The following YES1 variants were observed in gnomAD, a reference collection of about 807,000 sequenced individuals.
The protein encoded by YES1 is YES proto-oncogene 1, Src family tyrosine kinase.
In YES1, 39 loss-of-function variants were observed where a neutral mutation model predicts 70.4. That is an observed-to-expected ratio of 0.55 (90% CI 0.43 to 0.72). The LOEUF is 0.72. Among genes scored for constraint, YES1 ranks in the 30% least tolerant of loss-of-function variants. The pLI is 0.00. For missense variants in YES1, 495 were observed against 644.8 expected (o/e 0.77, Z 2.52); for synonymous variants, 198 against 218.6 (o/e 0.91, Z 0.83).
intron 1 of YES1, among the ~76,000 whole-genome samples, chr18:809,985 TACG>T (rs1907290549): frequency 6.6e-6 from 1 of 151,494 alleles, no homozygotes; most frequent in African/African-American, 2.4e-5. Context: ...CTTCTATTTT[TACG>T]TTCACAGAAT....
intron 1 of YES1, among the ~76,000 whole-genome samples, chr18:783,552 G>A (rs1478686997): frequency 6.6e-6 from 1 of 151,804 alleles, no homozygotes; most frequent in East Asian, 1.9e-4. Context: ...AGCTCATAGC[G>A]TATCTGCTTC....
chr18:772,047 A>G (rs1905182498), intron 1 of YES1, among the ~76,000 whole-genome samples: 1 of 150,620 alleles, frequency 6.6e-6, no homozygotes, highest in Non-Finnish European at 1.5e-5. Flanking sequence ...TTTTTTTTTG[A>G]CATGGAATTT....
intron 1 of YES1, among the ~76,000 whole-genome samples, chr18:757,818 T>C (rs1904373233): frequency 6.7e-6 from 1 of 149,144 alleles, no homozygotes; most frequent in South Asian, 2.1e-4. Context: ...TAAGACTCTG[T>C]CTCAAAAAAA....
intron 1 of YES1, among the ~76,000 whole-genome samples, chr18:804,913 C>CAA (rs56748581): frequency 5.3e-5 from 5 of 94,126 alleles, no homozygotes; most frequent in East Asian, 3.2e-4. Flanking sequence ...GACTCTGACT[C>CAA]AAAAAAAAAA....
chr18:785,153 CT>C (rs5822579), intron 1 of YES1, among the ~76,000 whole-genome samples: 78,475 of 147,914 alleles, frequency 0.53, 21,362 homozygotes, highest in African/African-American at 0.72. Flanking sequence ...ATGCACAGAC[CT>C]TTTTTTTTTT....
rs138513939 is a variant in YES1 at position 743,357 on chromosome 18, C to T, written c.783G>A (p.Gln261=). Residue 261 remains glutamine (Q), a synonymous_variant, in exon 7 of 12, where the codon CAG becomes CAA. Coordinates refer to ENST00000314574, the MANE Select transcript of YES1 (RefSeq NM_005433.4). ...LTTVCPTVKP[Q]TQGLAKDAWE... is the part of the protein sequence containing the mutation. Reference sequence around the variant, plus strand: ...AAGCATCTTTTGCTAGACCTTGAGTCTGAGGTTTCACAGTTGGACACACAG... The same window carrying T: ...AAGCATCTTTTGCTAGACCTTGAGTTTGAGGTTTCACAGTTGGACACACAG... The T allele has an allele frequency of 1.2e-6, 2 of 1,612,914 alleles. No individual in the cohort carries two copies. The highest frequency in any genetic ancestry group is 2.7e-5 in the African/African-American group (2 of 75,000).
At chr18:743,155 A>G (rs1404205626) in intron 7 of YES1, 58 bp from the exon 8 acceptor site, 1 of 1,546,114 alleles carries the variant, frequency 6.5e-7, no homozygotes, top group Non-Finnish European at 8.7e-7. Context: ...ACCAAACTTC[A>G]GTGAACAGCA....
At chr18:728,879 T>G (rs896711679) in intron 11 of YES1, among the ~76,000 whole-genome samples, 1 of 152,210 alleles carries the variant, frequency 6.6e-6, no homozygotes, top group Non-Finnish European at 1.5e-5. Context: ...CTTATGGCTG[T>G]TTGGCTTTGA....
At position 740,040 on chromosome 18, in the gene YES1, C is replaced by T. The variant is rs565279210; in HGVS notation, c.1061-229G>A. On this transcript the variant is annotated intron_variant, in intron 8 of 11. Coordinates refer to ENST00000314574, the MANE Select transcript of YES1 (RefSeq NM_005433.4). ...CATGCAAAAAAAGAAAATGCATTAA[C>T]TTTACCTGACAAGAGGCATTTTTTC... is the stretch of plus-strand genomic sequence containing the variant. Among the ~76,000 whole-genome samples, 7 of 152,284 alleles carry T rather than the reference C, an allele frequency of 4.6e-5. No homozygotes were observed. In the South Asian group the frequency reaches 1.2e-3, roughly 27 times the overall value.
chr18:732,929 G>A lies in YES1; in HGVS notation c.1328C>T (p.Ala443Val). 6.2e-7 allele frequency: 1 copy of A among 1,614,160 alleles called. No homozygotes were observed. The highest frequency in any genetic ancestry group is 8.5e-7 in the Non-Finnish European group (1 of 1,180,018). Reference sequence around the variant, plus strand: ...TATTGTAAACCGACCATACAGTGCAGCTTCAGGAGCTGTCCATTTGATTGG... The same window carrying A: ...TATTGTAAACCGACCATACAGTGCAACTTCAGGAGCTGTCCATTTGATTGG... ...KFPIKWTAPE[A>V]ALYGRFTIKS... is the part of the protein sequence containing the mutation. Residue 443 changes from alanine to valine, a missense_variant, in exon 11 of 12, where the codon GCT (alanine) becomes GTT (valine). By Grantham distance (64) the Ala-to-Val change is moderately conservative. Transcript: ENST00000314574.
chr18:765,543 C>T (rs1029360035), intron 1 of YES1, among the ~76,000 whole-genome samples: 3 of 151,462 alleles, frequency 2.0e-5, no homozygotes, highest in Admixed American at 6.6e-5. Flanking sequence ...GGATTACAGG[C>T]GTGTACCACC....
Position 747,942 on chromosome 18 carries a change from C to A in YES1, c.448G>T (p.Ala150Ser). 1 of 1,613,526 alleles carries A rather than the reference C, an allele frequency of 6.2e-7. No individual in the cohort carries two copies. The highest frequency in any genetic ancestry group is 8.5e-7 in the Non-Finnish European group (1 of 1,179,902). Residue 150 changes from alanine to serine, a missense_variant, in exon 4 of 12, where the codon GCA becomes TCA. By Grantham distance (99) the Ala-to-Ser change is moderately conservative. Transcript: ENST00000314574. ...GYIPSNYVAP[A>S]DSIQAEEWYF... ...TACTCTTCTGCCTGAATGGAATCTG[C>A]AGGCGCTACATAATTGCTCGGGATA...
chr18:742,436 T>C (rs573253654), intron 8 of YES1, among the ~76,000 whole-genome samples: 12 of 141,310 alleles, frequency 8.5e-5, no homozygotes, highest in African/African-American at 1.1e-4. Context: ...CTGGGCAACA[T>C]AGTTGAGACC....
intron 11 of YES1, among the ~76,000 whole-genome samples, chr18:731,763 C>A (rs960940697): frequency 1.3e-5 from 2 of 151,436 alleles, no homozygotes; most frequent in African/African-American, 2.4e-5. Flanking sequence ...GTCAGGAGAT[C>A]GAGACCATCC....
chr18:785,709 G>C (rs1263681476), intron 1 of YES1, among the ~76,000 whole-genome samples: 1 of 151,922 alleles, frequency 6.6e-6, no homozygotes, highest in Non-Finnish European at 1.5e-5. Flanking sequence ...CATCATGGGA[G>C]TGGGTTTGTT....
At chr18:749,417 G>A (rs1290714532) in intron 3 of YES1, among the ~76,000 whole-genome samples, 1 of 152,062 alleles carries the variant, frequency 6.6e-6, no homozygotes, top group Non-Finnish European at 1.5e-5. Context: ...AGAATCGCTT[G>A]AACCTGGGAG....
At chr18:759,524 T>C (rs905528419) in intron 1 of YES1, among the ~76,000 whole-genome samples, 2 of 152,196 alleles carry the variant, frequency 1.3e-5, no homozygotes, top group African/African-American at 4.8e-5. Flanking sequence ...TACGGTCTTT[T>C]GTATCTATGA....
intron 1 of YES1, among the ~76,000 whole-genome samples, chr18:767,217 A>G (rs1904953485): frequency 6.6e-6 from 1 of 152,106 alleles, no homozygotes; most frequent in African/African-American, 2.4e-5. Context: ...TGACATGATA[A>G]TGGGTCACTG....
intron 1 of YES1, among the ~76,000 whole-genome samples, chr18:783,610 T>G (rs1905787778): frequency 7.8e-6 from 1 of 128,518 alleles, no homozygotes; most frequent in Non-Finnish European, 1.6e-5. Flanking sequence ...CATGTATCAA[T>G]TTTTCTCTTT....
Sources: gnomAD v4.1 joint callset for allele counts (sites outside exome capture counted in the v4.1 genomes callset) on GRCh38, gnomAD v4.1.1 for gene constraint, MANE v1.5 for transcripts, NCBI Gene and HGNC (gene_info 2026-07-23, HGNC 2026-07-21) for gene names.